Variants in GRIK4 observed in about 807,000 individuals in gnomAD.
GRIK4 encodes the protein glutamate ionotropic receptor kainate type subunit 4.
GRIK4 carries 40 observed loss-of-function variants against 104.9 expected under a neutral mutation model. That is an observed-to-expected ratio of 0.38 (90% confidence interval 0.30 to 0.50). The LOEUF is 0.50. Ranked by LOEUF, GRIK4 falls within the 20% of genes least tolerant of loss-of-function variation. The pLI is 0.93. For synonymous variants in GRIK4, 485 were observed against 524.9 expected (o/e 0.92, Z 1.04); for missense variants, 1,047 against 1,308.1 (o/e 0.80, Z 3.08).
intron 1 of GRIK4, among the ~76,000 whole-genome samples, chr11:120,567,203 A>G (rs1387666645): frequency 6.6e-6 from 1 of 151,644 alleles, no homozygotes; most frequent in African/African-American, 2.4e-5. Flanking sequence ...GTTGTTCCCT[A>G]GGCTAGAGTG....
At chr11:120,558,353 C>T (rs992818816) in intron 1 of GRIK4, among the ~76,000 whole-genome samples, 5 of 152,118 alleles carry the variant, frequency 3.3e-5, no homozygotes, top group African/African-American at 4.8e-5. Context: ...TTTGGGAGGC[C>T]GAGGTGGGCG....
At chr11:120,798,476 G>GTTTTT (rs1422179426) in intron 3 of GRIK4, among the ~76,000 whole-genome samples, 2 of 151,736 alleles carry the variant, frequency 1.3e-5, no homozygotes, top group African/African-American at 4.8e-5. Flanking sequence ...TTTTGTTTTT[G>GTTTTT]TTGTGTTTTG....
At chr11:120,828,670 A>G (rs1401402139) in intron 6 of GRIK4, among the ~76,000 whole-genome samples, 1 of 152,164 alleles carries the variant, frequency 6.6e-6, no homozygotes, top group East Asian at 1.9e-4. Context: ...AGGTTGGGAA[A>G]TGGAACAACT....
chr11:120,587,803 TGTGGG>T (rs1372195317), intron 1 of GRIK4, among the ~76,000 whole-genome samples: 1 of 152,326 alleles, frequency 6.6e-6, no homozygotes, highest in East Asian at 1.9e-4. Flanking sequence ...TGAGTAAGTC[TGTGGG>T]GTGGCACAGG....
intron 3 of GRIK4, among the ~76,000 whole-genome samples, chr11:120,703,897 G>A (rs1950590581): frequency 6.6e-6 from 1 of 152,114 alleles, no homozygotes; most frequent in Non-Finnish European, 1.5e-5. Context: ...GATCATCTTT[G>A]GTAGCACTAA....
chr11:120,779,195 G>C (rs1352179142), intron 3 of GRIK4, among the ~76,000 whole-genome samples: 3 of 152,184 alleles, frequency 2.0e-5, no homozygotes, highest in African/African-American at 4.8e-5. Flanking sequence ...ACAGGGGACC[G>C]ACCAACCATT....
chr11:120,731,237 CT>C (rs1445638167), intron 3 of GRIK4, among the ~76,000 whole-genome samples: 1 of 150,360 alleles, frequency 6.7e-6, no homozygotes, highest in East Asian at 2.0e-4. Context: ...AGGTATGTCT[CT>C]TCTATACCTG....
At chr11:120,929,903 TCCA>T (rs1943445261) in intron 13 of GRIK4, among the ~76,000 whole-genome samples, 1 of 152,056 alleles carries the variant, frequency 6.6e-6, no homozygotes, top group Admixed American at 6.6e-5. Context: ...GTTCTAATGT[TCCA>T]GCCTCCTGAC....
In GRIK4 at chr11:120,952,551, G is replaced by A. The variant is rs1944026562; in HGVS notation, c.1591-304G>A. On this transcript the variant is annotated intron_variant, in intron 14 of 20. Transcript: ENST00000527524. The surrounding 1 kb of genome is among the most constrained non-coding windows in gnomAD (Gnocchi z 5.2). The stretch of plus-strand genomic sequence containing the variant: ...CTCCACCCCCGATGGAGGACACAGG[G>A]TGGTACTTCGGGGCACTGAGGGTTG... 6.6e-6 allele frequency among the ~76,000 whole-genome samples: 1 copy of A among 152,278 alleles called. No individual in the cohort carries two copies. Among genetic ancestry groups the A allele is most frequent in the East Asian group, 1.9e-4 (1 of 5,168 alleles).
chr11:120,813,738 A>G (rs3020105), intron 4 of GRIK4, among the ~76,000 whole-genome samples: 32,152 of 152,158 alleles, frequency 0.21, 7,274 homozygotes, highest in African/African-American at 0.57. Flanking sequence ...GTGTGGCTTT[A>G]CAGCTGGCTC....
chr11:120,705,100 T>C lies in GRIK4; in HGVS notation c.82+44700T>C, dbSNP rs117497081. ...CACTGTTTTGATTACTGTAGCTTTG[T>C]AGTTAGTTTTGAAATCAGGTACTGT... On this transcript the variant is annotated intron_variant, in intron 3 of 20. Coordinates refer to ENST00000527524, the MANE Select transcript of GRIK4 (RefSeq NM_014619.5). Among the ~76,000 whole-genome samples, 29 of 152,336 alleles carry C rather than the reference T, an allele frequency of 1.9e-4. 1 individual carries two copies. In the East Asian group the frequency reaches 5.6e-3, roughly 29 times the overall value.
intron 6 of GRIK4, among the ~76,000 whole-genome samples, chr11:120,822,758 T>G (rs1169870284): frequency 6.6e-6 from 1 of 152,168 alleles, no homozygotes; most frequent in Non-Finnish European, 1.5e-5. Flanking sequence ...AAAAATAATG[T>G]TTGGATAACC....
rs147598078 is a variant in GRIK4, at chr11:120,532,612, T to C, written c.-159+20725T>C. On this transcript the variant is annotated intron_variant, in intron 1 of 20. Coordinates refer to ENST00000527524, the MANE Select transcript of GRIK4 (RefSeq NM_014619.5). ...GTTTTTCTTGCTCTAGTGTGGACTC[T>C]TTCCCCTACCCCGCAAACCTTGGTT... is the stretch of plus-strand genomic sequence containing the variant. 1.5e-3 allele frequency among the ~76,000 whole-genome samples: 229 copies of C among 152,348 alleles called. 1 individual carries two copies. Among genetic ancestry groups the C allele is most frequent in the Non-Finnish European group, 2.4e-3 (163 of 68,030 alleles).
At chr11:120,638,215 TACTATGTGCCAGGC>T (rs910397057) in intron 1 of GRIK4, among the ~76,000 whole-genome samples, 1 of 152,108 alleles carries the variant, frequency 6.6e-6, no homozygotes, top group African/African-American at 2.4e-5. Flanking sequence ...ATATAGCACT[TACTATGTGCCAGGC>T]ACTCTTCTAA....
At chr11:120,604,208 C>T (rs1379811316) in intron 1 of GRIK4, among the ~76,000 whole-genome samples, 3 of 150,154 alleles carry the variant, frequency 2.0e-5, no homozygotes, top group Admixed American at 1.3e-4. Context: ...GAATGATCTG[C>T]CCCCCTTCGT....
intron 12 of GRIK4, among the ~76,000 whole-genome samples, chr11:120,904,657 C>T (rs1592063677): frequency 6.6e-6 from 1 of 152,244 alleles, no homozygotes; most frequent in Non-Finnish European, 1.5e-5. Context: ...ACAACCTGTG[C>T]TCCGGCTACC....
chr11:120,751,211 G>A (rs929953238), intron 3 of GRIK4, among the ~76,000 whole-genome samples: 3 of 152,028 alleles, frequency 2.0e-5, no homozygotes, highest in Admixed American at 6.5e-5. Flanking sequence ...CTCAGAACCC[G>A]TGCCTGGCAG....
rs1012561574 is a variant in GRIK4 at position 120,967,496 on chromosome 11, C to T, written c.2395+173C>T. On this transcript the variant is annotated intron_variant, in intron 19 of 20. Coordinates refer to ENST00000527524, the MANE Select transcript of GRIK4 (RefSeq NM_014619.5). This position sits in a 1 kb window ranked among gnomAD's most constrained non-coding sequence, Gnocchi z 4.2. ...GGATCAGGTCTGTCCCAGGGTCTTG[C>T]GTATCGCAGGCACCCAGTGTCCACC... 1.3e-5 allele frequency among the ~76,000 whole-genome samples: 2 copies of T among 152,130 alleles called. No individual in the cohort carries two copies. The highest frequency in any genetic ancestry group is 2.9e-5 in the Non-Finnish European group (2 of 68,012).
At chr11:120,879,693 C>T (rs1044236154) in intron 11 of GRIK4, among the ~76,000 whole-genome samples, 6 of 152,184 alleles carry the variant, frequency 3.9e-5, no homozygotes, top group African/African-American at 1.4e-4. Flanking sequence ...CATTTCTGAA[C>T]CTGGACCATC....
Sources: gnomAD v4.1 joint callset for allele counts (sites outside exome capture counted in the v4.1 genomes callset) on GRCh38, gnomAD v4.1.1 for gene constraint, Gnocchi (gnomAD v3.1) non-coding constraint, MANE v1.5 for transcripts, NCBI Gene and HGNC (gene_info 2026-07-23, HGNC 2026-07-21) for gene names.